The following MAGI2 variants were observed in gnomAD, a reference collection of about 807,000 sequenced individuals.
MAGI2 encodes membrane associated guanylate kinase, WW and PDZ domain containing 2, also known as membrane-associated guanylate kinase, WW and PDZ domain-containing protein 2.
In MAGI2, 35 loss-of-function variants were observed where a neutral mutation model predicts 133.3. The observed-to-expected ratio is 0.26, with a 90% CI of 0.20 to 0.35. MAGI2 has a LOEUF of 0.35. MAGI2 is among the 10% of genes least tolerant of loss of function. MAGI2 has a pLI of 1.00. For synonymous variants in MAGI2, 729 were observed against 710.6 expected, an observed-to-expected ratio of 1.03 and a Z score of -0.41; for missense variants, 1,636 against 1,863.4, an observed-to-expected ratio of 0.88 and a Z score of 2.25.
chr7:78,811,070 A>C (rs1289524332), intron 2 of MAGI2, among the ~76,000 whole-genome samples: 5 of 152,114 alleles, frequency 3.3e-5, no homozygotes, highest in Middle Eastern at 4.0e-3. Context: ...CTGAAAATCC[A>C]TAATTCCATA....
chr7:79,219,243 A>G (rs181666153), intron 1 of MAGI2, among the ~76,000 whole-genome samples: 1 of 152,156 alleles, frequency 6.6e-6, no homozygotes, highest in African/African-American at 2.4e-5. Context: ...TTACTCACAG[A>G]TTAAAGTTTT....
At chr7:78,603,076 G>C (rs1805381857) in intron 3 of MAGI2, among the ~76,000 whole-genome samples, 1 of 151,686 alleles carries the variant, frequency 6.6e-6, no homozygotes, top group African/African-American at 2.4e-5. Flanking sequence ...GCTAGGTGTT[G>C]GGACTCATTC....
intron 1 of MAGI2, among the ~76,000 whole-genome samples, chr7:79,064,931 T>A (rs1814151466): frequency 6.6e-6 from 1 of 152,112 alleles, no homozygotes; most frequent in Non-Finnish European, 1.5e-5. Flanking sequence ...GTACCTACAG[T>A]CCATGTGATC....
intron 2 of MAGI2, among the ~76,000 whole-genome samples, chr7:78,628,183 G>A (rs1808572477): frequency 6.6e-6 from 1 of 152,154 alleles, no homozygotes; most frequent in Non-Finnish European, 1.5e-5. Context: ...TTGTTTCCAG[G>A]TAATACTTCC....
rs75899147 is a variant in MAGI2, at chr7:78,434,430, T to C, written c.1045+55331A>G. Among the ~76,000 whole-genome samples, 585 of 152,196 alleles carry C rather than the reference T, an allele frequency of 3.8e-3. 13 individuals carry two copies. The East Asian group carries it at 0.053, about 14-fold the overall frequency. On this transcript the variant is annotated intron_variant, in intron 6 of 21. Transcript: ENST00000354212. ...GCCTGCTGGGATAACTTGCAACAGATAAAGAGATGGATGGAAACAGGGTAG... is the reference window on the plus strand; with the variant it reads ...GCCTGCTGGGATAACTTGCAACAGACAAAGAGATGGATGGAAACAGGGTAG...
chr7:78,815,540 C>T (rs1789494790), intron 2 of MAGI2, among the ~76,000 whole-genome samples: 1 of 151,908 alleles, frequency 6.6e-6, no homozygotes, highest in Non-Finnish European at 1.5e-5. Context: ...AGGTTTGTGG[C>T]AACTTTTCAT....
At chr7:78,982,708 G>T (rs533294888) in intron 2 of MAGI2, among the ~76,000 whole-genome samples, 3 of 150,000 alleles carry the variant, frequency 2.0e-5, no homozygotes, top group African/African-American at 4.9e-5. Flanking sequence ...ATTTATGAAA[G>T]CCAGGAAGGA....
At chr7:79,013,035 A>G (rs1285009417) in intron 1 of MAGI2, among the ~76,000 whole-genome samples, 1 of 152,100 alleles carries the variant, frequency 6.6e-6, no homozygotes, top group Non-Finnish European at 1.5e-5. Flanking sequence ...GGGGGTTAAG[A>G]TTTCAATATA....
At chr7:78,512,636 C>A (rs915265052) in intron 4 of MAGI2, among the ~76,000 whole-genome samples, 2 of 152,144 alleles carry the variant, frequency 1.3e-5, no homozygotes, top group African/African-American at 2.4e-5. Flanking sequence ...GAATTCCTGA[C>A]CTTGTGATCC....
intron 1 of MAGI2, among the ~76,000 whole-genome samples, chr7:79,205,173 C>T (rs972787265): frequency 4.6e-5 from 7 of 151,856 alleles, no homozygotes; most frequent in Non-Finnish European, 8.8e-5. Flanking sequence ...TACCCCAAGA[C>T]ATATTATAAC....
chr7:78,499,854 T>C (rs542075223), intron 5 of MAGI2, among the ~76,000 whole-genome samples: 2 of 152,334 alleles, frequency 1.3e-5, no homozygotes, highest in Admixed American at 1.3e-4. Context: ...AAGATTTGTA[T>C]TTTGACTTCT....
intron 1 of MAGI2, among the ~76,000 whole-genome samples, chr7:79,013,860 A>G (rs1042882790): frequency 3.3e-5 from 5 of 152,186 alleles, no homozygotes; most frequent in African/African-American, 4.8e-5. Flanking sequence ...GGAAAGCCAT[A>G]AAGCTCATTG....
intron 9 of MAGI2, among the ~76,000 whole-genome samples, chr7:78,316,375 G>A (rs1014486456): frequency 2.0e-5 from 3 of 152,000 alleles, no homozygotes; most frequent in Non-Finnish European, 4.4e-5. Flanking sequence ...TATATTGAAG[G>A]GATTATAAAT....
chr7:79,404,139 G>A (rs1845650364), intron 1 of MAGI2, among the ~76,000 whole-genome samples: 1 of 152,066 alleles, frequency 6.6e-6, no homozygotes. Context: ...ATGACACCTG[G>A]CAAGGATACA....
At chr7:78,026,182 A>T (rs144853873) in intron 21 of MAGI2, 1 of 152,450 alleles carries the variant, frequency 6.6e-6, no homozygotes, top group East Asian at 1.9e-4. Context: ...ATTATGTTTT[A>T]GTTAAAAGAT....
intron 1 of MAGI2, among the ~76,000 whole-genome samples, chr7:79,205,326 T>A (rs1828950364): frequency 6.6e-6 from 1 of 151,884 alleles, no homozygotes; most frequent in Non-Finnish European, 1.5e-5. Context: ...TGAGGTGAAA[T>A]ACTCAAATTA....
chr7:78,678,217 G>C (rs1433460857), intron 2 of MAGI2, among the ~76,000 whole-genome samples: 2 of 152,086 alleles, frequency 1.3e-5, no homozygotes, highest in African/African-American at 4.8e-5. Context: ...CTTTTAAAAT[G>C]TTTATTGGCA....
chr7:78,097,768 A>T (rs1817844317), intron 20 of MAGI2, among the ~76,000 whole-genome samples: 1 of 152,142 alleles, frequency 6.6e-6, no homozygotes, highest in African/African-American at 2.4e-5. Context: ...CCCATGACAC[A>T]TCTTTACTTA....
At chr7:78,037,584 A>G (rs1810362147) in intron 21 of MAGI2, among the ~76,000 whole-genome samples, 1 of 152,252 alleles carries the variant, frequency 6.6e-6, no homozygotes, top group African/African-American at 2.4e-5. Context: ...TTTTAGCGCA[A>G]GATAAGTTTT....
Sources: allele counts gnomAD v4.1 joint callset (sites outside exome capture counted in the v4.1 genomes callset), GRCh38; gene constraint gnomAD v4.1.1; transcripts MANE v1.5; gene names NCBI Gene and HGNC (gene_info 2026-07-23, HGNC 2026-07-21).